Variants in SSBP2 observed in about 807,000 individuals in gnomAD.
SSBP2 encodes single-stranded DNA-binding protein 2.
SSBP2 carries 17 observed loss-of-function variants against 61.8 expected under a neutral mutation model. The ratio of observed to expected loss-of-function variants is 0.28; its 90% CI spans 0.19 to 0.41. The LOEUF is 0.41. Among genes scored for constraint, SSBP2 ranks in the 10% least tolerant of loss-of-function variants. The pLI is 1.00. For missense variants in SSBP2, 310 were observed against 458.7 expected (o/e 0.68, Z 2.96); for synonymous variants, 139 against 141.3 (o/e 0.98, Z 0.12).
intron 3 of SSBP2, among the ~76,000 whole-genome samples, chr5:81,622,435 G>A (rs1483544369): frequency 6.6e-6 from 1 of 152,206 alleles, no homozygotes; most frequent in East Asian, 1.9e-4. Context: ...AGGCACTGGA[G>A]CAGGACATAT....
chr5:81,453,605 C>A (rs1414309926), intron 10 of SSBP2, among the ~76,000 whole-genome samples: 1 of 151,744 alleles, frequency 6.6e-6, no homozygotes, highest in African/African-American at 2.4e-5. Context: ...TACAGGCGCC[C>A]GCCACCTCGC....
chr5:81,548,611 T>C (rs1415326270), intron 4 of SSBP2, among the ~76,000 whole-genome samples: 1 of 152,156 alleles, frequency 6.6e-6, no homozygotes, highest in Admixed American at 6.5e-5. Context: ...TAAAATGGGC[T>C]ATGGAATATA....
intron 3 of SSBP2, among the ~76,000 whole-genome samples, chr5:81,626,306 A>T (rs950261197): frequency 6.6e-6 from 1 of 152,250 alleles, no homozygotes; most frequent in African/African-American, 2.4e-5. Context: ...AGTAAGTACT[A>T]TACAAGCATC....
chr5:81,522,333 C>T (rs1000430005), intron 4 of SSBP2, among the ~76,000 whole-genome samples: 7 of 151,852 alleles, frequency 4.6e-5, no homozygotes, highest in African/African-American at 7.2e-5. Context: ...TAAAAGGTAA[C>T]GTATAAAAGA....
intron 4 of SSBP2, among the ~76,000 whole-genome samples, chr5:81,611,332 A>G (rs1227235793): frequency 5.9e-5 from 9 of 152,192 alleles, no homozygotes; most frequent in Admixed American, 5.9e-4. Context: ...TAAGAGATAT[A>G]TTCACTTTTC....
At chr5:81,541,765 AT>A (rs1347377242) in intron 4 of SSBP2, among the ~76,000 whole-genome samples, 1 of 152,218 alleles carries the variant, frequency 6.6e-6, no homozygotes, top group African/African-American at 2.4e-5. Flanking sequence ...TATACAAAAA[AT>A]AACTCAAAAT....
At chr5:81,477,394 A>G (rs1348586726) in intron 6 of SSBP2, among the ~76,000 whole-genome samples, 1 of 152,152 alleles carries the variant, frequency 6.6e-6, no homozygotes, top group African/African-American at 2.4e-5. Flanking sequence ...AACAACTCCA[A>G]TTCCAATCTG....
In SSBP2 at chr5:81,573,222, A is replaced by G. The variant is rs184188635; in HGVS notation, c.282+42251T>C. ...GGGCTCTGTAAACTGAGACAGTTTC[A>G]GAAACTCTGTGCTAATGTAAATGTG... On this transcript the variant is annotated intron_variant, in intron 4 of 16. Transcript: ENST00000320672. Among the ~76,000 whole-genome samples, 798 of 150,154 alleles carry G rather than the reference A, an allele frequency of 5.3e-3. 7 individuals are homozygous for G. The highest frequency in any genetic ancestry group is 0.019 in the African/African-American group (751 of 39,444).
intron 4 of SSBP2, among the ~76,000 whole-genome samples, chr5:81,600,992 G>A (rs896061031): frequency 2.6e-5 from 4 of 152,030 alleles, no homozygotes; most frequent in African/African-American, 9.7e-5. Flanking sequence ...AGCAAAAGGC[G>A]TTGCACTATT....
intron 1 of SSBP2, among the ~76,000 whole-genome samples, chr5:81,725,835 T>C (rs72773091): frequency 3.1e-3 from 466 of 152,268 alleles, no homozygotes; most frequent in Non-Finnish European, 5.5e-3. Context: ...GTTAATAATA[T>C]GAAGCAAGAT....
At chr5:81,695,571 T>C (rs533795953) in intron 1 of SSBP2, among the ~76,000 whole-genome samples, 2 of 146,106 alleles carry the variant, frequency 1.4e-5, no homozygotes, top group Non-Finnish European at 3.0e-5. Flanking sequence ...CATTGTTCAG[T>C]TCCCACCTAT....
intron 8 of SSBP2, 40 bp from the exon 9 acceptor site, chr5:81,467,105 G>A (rs751189418): frequency 6.5e-5 from 89 of 1,365,458 alleles, no homozygotes; most frequent in Non-Finnish European, 8.8e-5. Flanking sequence ...GAGGAGGGGG[G>A]AAAGAAAGGA....
chr5:81,680,826 A>T (rs79493355), intron 1 of SSBP2, among the ~76,000 whole-genome samples: 2,002 of 152,326 alleles, frequency 0.013, 37 homozygotes, highest in African/African-American at 0.046. Context: ...TTATACTTGG[A>T]GACTTTAACA....
chr5:81,462,497 T>C (rs991350540), intron 9 of SSBP2, among the ~76,000 whole-genome samples: 30 of 152,152 alleles, frequency 2.0e-4, no homozygotes, highest in African/African-American at 6.8e-4. Context: ...GTATAGAAGA[T>C]ACCAGTGGGG....
intron 4 of SSBP2, among the ~76,000 whole-genome samples, chr5:81,565,555 TC>T (rs1379282905): frequency 6.6e-6 from 1 of 152,174 alleles, no homozygotes. Context: ...TATAAATCTA[TC>T]CTTAACCACA....
chr5:81,495,253 G>A (rs1304721771), intron 5 of SSBP2, among the ~76,000 whole-genome samples: 7 of 152,142 alleles, frequency 4.6e-5, no homozygotes, highest in African/African-American at 1.4e-4. Flanking sequence ...AATTACTGGT[G>A]ATACAAACTA....
intron 4 of SSBP2, among the ~76,000 whole-genome samples, chr5:81,547,035 C>CTAAAAAA (rs1491449481): frequency 6.3e-4 from 5 of 7,972 alleles, no homozygotes; most frequent in African/African-American, 3.3e-3. Flanking sequence ...CAAATCTTGG[C>CTAAAAAA]CAAAAAAAAA....
At position 81,419,050 on chromosome 5, in the gene SSBP2, C is replaced by G. The variant is rs1328190807; in HGVS notation, c.*1454G>C. On this transcript the variant is annotated 3_prime_UTR_variant, in exon 17 of 17. Coordinates refer to ENST00000320672, the MANE Select transcript of SSBP2 (RefSeq NM_012446.5). ...GAGTCTAAAATTAAAGTCTTCATAT[C>G]TTTCTATTGTGATTTTGGTGTATGT... 1 of 152,180 alleles carries G rather than the reference C, an allele frequency of 6.6e-6. No homozygotes were observed. Among genetic ancestry groups the G allele is most frequent in the Non-Finnish European group, 1.5e-5 (1 of 68,026 alleles). The allele number at this position is 152,180 out of a possible 1,614,324, so 9.4% of individuals were successfully genotyped here.
intron 1 of SSBP2, among the ~76,000 whole-genome samples, chr5:81,749,867 A>T (rs976021694): frequency 1.3e-5 from 2 of 151,846 alleles, no homozygotes; most frequent in African/African-American, 4.8e-5. Flanking sequence ...CGAAGTTAAC[A>T]CCTGTATCTC....
Sources: gnomAD v4.1 joint callset for allele counts (sites outside exome capture counted in the v4.1 genomes callset) on GRCh38, gnomAD v4.1.1 for gene constraint, MANE v1.5 for transcripts, NCBI Gene and HGNC (gene_info 2026-07-23, HGNC 2026-07-21) for gene names.